The following AMDHD2 variants were observed in gnomAD, a reference collection of about 807,000 sequenced individuals.
AMDHD2 encodes amidohydrolase domain containing 2, also known as N-acetylglucosamine-6-phosphate deacetylase.
A neutral mutation model predicts 41.8 loss-of-function variants in AMDHD2; 24 were observed. The ratio of observed to expected loss-of-function variants is 0.57; its 90% CI spans 0.42 to 0.81. The LOEUF (loss-of-function observed/expected upper bound fraction) is 0.81, where lower values mean the gene tolerates loss of function less well. Ranked by LOEUF, AMDHD2 falls within the 30% of genes least tolerant of loss-of-function variation. The probability of loss-of-function intolerance (pLI) is 0.00; values close to 1 mark genes in which losing one functional copy is unlikely to be tolerated. For synonymous variants in AMDHD2, 332 were observed against 255.5 expected (o/e 1.30, Z -2.85); for missense variants, 540 against 588.5 (o/e 0.92, Z 0.85).
intron 3 of AMDHD2, among the ~76,000 whole-genome samples, chr16:2,523,884 C>T (rs1374127000): frequency 1.3e-5 from 2 of 152,250 alleles, no homozygotes; most frequent in African/African-American, 2.4e-5. Flanking sequence ...GCCTCCTCTG[C>T]TAAGCCTTGC....
intron 1 of AMDHD2, 113 bp from the exon 2 acceptor site, chr16:2,520,656 C>T: frequency 5.6e-6 from 6 of 1,065,328 alleles, no homozygotes; most frequent in Non-Finnish European, 6.9e-6. Flanking sequence ...GTGCAGGGTG[C>T]GGGGCCGGGG....
rs137918933 is a variant in AMDHD2, at chr16:2,527,869, TGCTG to T, written c.515_518del (p.Leu172ProfsTer12). 31 of 1,597,488 alleles carry T rather than the reference TGCTG, an allele frequency of 1.9e-5. No homozygotes were observed. Among genetic ancestry groups the T allele is most frequent in the Non-Finnish European group, 2.5e-5 (30 of 1,179,138 alleles). ...TTCGAGGCCGATGCCTTCCAGGACT[TGCTG>T]GCCACCTACGGGCCCCTGGACAATG... is the stretch of plus-strand genomic sequence containing the variant. On this transcript the variant is annotated frameshift_variant, in exon 5 of 11. Transcript: ENST00000293971. LOFTEE classifies it high-confidence loss of function. This position sits in a 1 kb window ranked among gnomAD's most constrained non-coding sequence, Gnocchi z 6.1.
At chr16:2,528,409 T>C in intron 7 of AMDHD2, 29 bp downstream of exon 7, 1 of 1,612,560 alleles carries the variant, frequency 6.2e-7, no homozygotes, top group Non-Finnish European at 8.5e-7. Flanking sequence ...CCAGGACAGG[T>C]AGGATGACTG....
chr16:2,528,842 T>TG, intron 9 of AMDHD2, 124 bp downstream of exon 9: 1 of 1,542,636 alleles, frequency 6.5e-7, no homozygotes, highest in South Asian at 1.2e-5. Flanking sequence ...ATTGGGTACT[T>TG]GGTGACTCAG....
rs777100896 is a variant in AMDHD2, at chr16:2,527,996, G to A, written c.628+11G>A. 24 of 1,607,394 alleles carry A rather than the reference G, an allele frequency of 1.5e-5. 1 individual carries two copies. The highest frequency in any genetic ancestry group is 1.6e-4 in the Middle Eastern group (1 of 6,076). Reference sequence around the variant, plus strand: ...TCTGCGTGTCCCTAGGTGAGGGGCCGGCTCGGGGTGGGCCTGCTTGGGGGA... The same window carrying A: ...TCTGCGTGTCCCTAGGTGAGGGGCCAGCTCGGGGTGGGCCTGCTTGGGGGA... On this transcript the variant is annotated intron_variant, in intron 5 of 10. Transcript: ENST00000293971. This position sits in a 1 kb window ranked among gnomAD's most constrained non-coding sequence, Gnocchi z 6.1.
chr16:2,530,747 G>T lies in AMDHD2; in HGVS notation c.*1184G>T. The T allele has an allele frequency of 6.2e-7, 1 of 1,613,704 alleles. No homozygotes were observed. Among genetic ancestry groups the T allele is most frequent in the East Asian group, 2.2e-5 (1 of 44,876 alleles). Reference sequence around the variant, plus strand: ...CAGGGAAGAACCACCTGCCTGGGCAGGGCCTCGCCTGAGGGAGGGCCTGGG... The same window carrying T: ...CAGGGAAGAACCACCTGCCTGGGCATGGCCTCGCCTGAGGGAGGGCCTGGG... On this transcript the variant is annotated 3_prime_UTR_variant, in exon 11 of 11. Transcript: ENST00000293971.
Position 2,527,791 on chromosome 16 carries a change from C to T in AMDHD2, c.434C>T (p.Pro145Leu). The T allele has an allele frequency of 1.9e-6, 3 of 1,580,844 alleles. No individual in the cohort carries two copies. Among genetic ancestry groups the T allele is most frequent in the South Asian group, 1.1e-5 (1 of 89,068 alleles). Reference protein sequence around the residue: ...AGVLGLHLEGPFISREKRGAH... With the variant: ...AGVLGLHLEGLFISREKRGAH... ...CTCCCAGGGCTGCACCTGGAGGGCCCCTTCATCAGCCGGGAGAAGCGGGGC... is the reference window on the plus strand; with the variant it reads ...CTCCCAGGGCTGCACCTGGAGGGCCTCTTCATCAGCCGGGAGAAGCGGGGC... The change falls in exon 5 of 11, where the codon CCC becomes CTC. Residue 145 changes from proline to leucine, a missense_variant. Physicochemically the swap from Pro to Leu is moderately conservative, Grantham distance 98. Transcript: ENST00000293971. This position sits in a 1 kb window ranked among gnomAD's most constrained non-coding sequence, Gnocchi z 6.1.
rs1267228525 is a variant in AMDHD2, at chr16:2,531,258, C to T, written c.*1695C>T. On this transcript the variant is annotated 3_prime_UTR_variant, in exon 11 of 11. Coordinates refer to ENST00000293971, the MANE Select transcript of AMDHD2 (RefSeq NM_001330449.2). Reference sequence around the variant, plus strand: ...AGAGATGGTTGGTCCACAGGGCTAGCCCTGGGTGGTGGGAGAGGGGCCCAG... The same window carrying T: ...AGAGATGGTTGGTCCACAGGGCTAGTCCTGGGTGGTGGGAGAGGGGCCCAG... The T allele has an allele frequency of 2.8e-6, 2 of 726,538 alleles. No homozygotes were observed. The highest frequency in any genetic ancestry group is 4.5e-6 in the Non-Finnish European group (2 of 446,516). The allele number at this position is 726,538 out of a possible 1,614,324, so 45.0% of individuals were successfully genotyped here. A position where few individuals can be genotyped will look rare whatever the true frequency, so the allele number is the denominator to read the frequency against.
Position 2,527,686 on chromosome 16 carries a change from C to T in AMDHD2, c.415+71C>T, listed in dbSNP as rs998926383. The T allele has an allele frequency of 4.5e-6, 7 of 1,566,084 alleles. No individual in the cohort carries two copies. Among genetic ancestry groups the T allele is most frequent in the African/African-American group, 1.4e-5 (1 of 73,970 alleles). On this transcript the variant is annotated intron_variant, in intron 4 of 10. Coordinates refer to ENST00000293971, the MANE Select transcript of AMDHD2 (RefSeq NM_001330449.2). The surrounding 1 kb of genome is among the most constrained non-coding windows in gnomAD (Gnocchi z 6.1). ...CGGGACCTGTTGGCAGCCCCCACCC[C>T]TCCAGATGCCCAGCTGGTGGGGAGG...
At chr16:2,524,045 C>T (rs192557662) in intron 3 of AMDHD2, among the ~76,000 whole-genome samples, 3 of 152,334 alleles carry the variant, frequency 2.0e-5, no homozygotes, top group Admixed American at 1.3e-4. Flanking sequence ...GTGTCTTAAC[C>T]CTTGGCGCAC....
chr16:2,521,185 T>C (rs1567127046), intron 3 of AMDHD2, 62 bp downstream of exon 3: 2 of 1,488,626 alleles, frequency 1.3e-6, no homozygotes, highest in African/African-American at 2.8e-5. Context: ...GCCCTCATTT[T>C]CAAACTCACG....
Position 2,528,327 on chromosome 16 carries a change from G to A in AMDHD2, c.809G>A (p.Gly270Asp). The A allele has an allele frequency of 1.2e-6, 2 of 1,612,786 alleles. No individual in the cohort carries two copies. The highest frequency in any genetic ancestry group is 8.5e-7 in the Non-Finnish European group (1 of 1,179,922). The change falls in exon 7 of 11, where the codon GGC becomes GAC. Residue 270 changes from glycine (G) to aspartate (D), a missense_variant. By Grantham distance (94) the Gly-to-Asp change is moderately conservative (BLOSUM62 -1). Transcript: ENST00000293971. ...RCIFYGMIAD[G>D]THTNPAALRI... ...ATCTTCTATGGGATGATTGCAGATG[G>A]CACGCACACCAACCCCGCCGCCCTG...
At position 2,528,095 on chromosome 16, in the gene AMDHD2, G is replaced by T; in HGVS notation, c.664G>T (p.Ala222Ser). The T allele has an allele frequency of 6.2e-7, 1 of 1,613,098 alleles. No individual in the cohort carries two copies. The highest frequency in any genetic ancestry group is 8.5e-7 in the Non-Finnish European group (1 of 1,179,876). The change falls in exon 6 of 11, where the codon GCT (alanine) becomes TCT (serine). Residue 222 changes from alanine to serine, a missense_variant. Physicochemically the swap from Ala to Ser is moderately conservative, Grantham distance 99. Transcript: ENST00000293971. ...SVADLRAAEDAVWSGATFITH... is the reference protein window; with the variant it reads ...SVADLRAAEDSVWSGATFITH... Reference sequence around the variant, plus strand: ...GGCTGACCTGCGGGCGGCAGAGGATGCTGTGTGGAGCGGAGCCACCTTCAT... The same window carrying T: ...GGCTGACCTGCGGGCGGCAGAGGATTCTGTGTGGAGCGGAGCCACCTTCAT...
rs868638013 is a variant in AMDHD2 at position 2,529,686 on chromosome 16, G to A, written c.*123G>A. 6.6e-6 allele frequency: 10 copies of A among 1,515,250 alleles called. No homozygotes were observed. The African/African-American group carries it at 8.2e-5, about 12-fold the overall frequency. The allele number at this position is 1,515,250 out of a possible 1,614,324, so 93.9% of individuals were successfully genotyped here. ...CTGGATTGATGCCCAGGGCCTGTGC[G>A]GCCGCCCTGGAGGCGGTGGCTGGGA... On this transcript the variant is annotated 3_prime_UTR_variant, in exon 11 of 11. Transcript: ENST00000293971.
At chr16:2,524,765 C>T (rs2065982817) in intron 3 of AMDHD2, among the ~76,000 whole-genome samples, 1 of 152,142 alleles carries the variant, frequency 6.6e-6, no homozygotes, top group Admixed American at 6.5e-5. Context: ...AGTCTTTCAG[C>T]TCAGGGCAGA....
At chr16:2,521,217 C>T (rs1179151779) in intron 3 of AMDHD2, 94 bp downstream of exon 3, 11 of 1,398,504 alleles carry the variant, frequency 7.9e-6, no homozygotes, top group Middle Eastern at 1.9e-4. Context: ...ACCCCCAGCA[C>T]GTATTCCATG....
rs1293692454 is a variant in AMDHD2, at chr16:2,527,001, C to T, written c.361-560C>T. ...GGGGAGGGTACAATCCAGCCACCATCCTCACCTGAAGCTCTTCTCTCTGGG... is the reference window on the plus strand; with the variant it reads ...GGGGAGGGTACAATCCAGCCACCATTCTCACCTGAAGCTCTTCTCTCTGGG... On this transcript the variant is annotated intron_variant, in intron 3 of 10. Transcript: ENST00000293971. This position sits in a 1 kb window ranked among gnomAD's most constrained non-coding sequence, Gnocchi z 6.1. The T allele has an allele frequency of 6.4e-6, 1 of 156,010 alleles. No individual in the cohort carries two copies. The highest frequency in any genetic ancestry group is 2.4e-5 in the African/African-American group (1 of 41,472). The allele number at this position is 156,010 out of a possible 1,614,324, so 9.7% of individuals were successfully genotyped here. A position where few individuals can be genotyped will look rare whatever the true frequency, so the allele number is the denominator to read the frequency against.
chr16:2,524,461 G>A (rs979062578), intron 3 of AMDHD2, among the ~76,000 whole-genome samples: 11 of 152,206 alleles, frequency 7.2e-5, no homozygotes, highest in Non-Finnish European at 1.3e-4. Flanking sequence ...CTGTTTACCT[G>A]CCTGGAGTGT....
chr16:2,522,629 A>T (rs1359613666), intron 3 of AMDHD2, among the ~76,000 whole-genome samples: 7 of 151,412 alleles, frequency 4.6e-5, no homozygotes, highest in Non-Finnish European at 1.0e-4. Context: ...GTGAGCCGAG[A>T]TTGCGCCACT....
Sources: allele counts gnomAD v4.1 joint callset (sites outside exome capture counted in the v4.1 genomes callset), GRCh38; gene constraint gnomAD v4.1.1; non-coding constraint Gnocchi (gnomAD v3.1); transcripts MANE v1.5; gene names NCBI Gene and HGNC (gene_info 2026-07-23, HGNC 2026-07-21).